The following UNC13C variants were observed in gnomAD, a reference collection of about 807,000 sequenced individuals.
UNC13C encodes the protein protein unc-13 homolog C.
A neutral mutation model predicts 245.4 loss-of-function variants in UNC13C; 174 were observed. The observed-to-expected ratio is 0.71, with a 90% confidence interval of 0.63 to 0.80. The LOEUF is 0.80. UNC13C is among the 30% of genes least tolerant of loss of function. UNC13C has a pLI of 0.00. For missense variants in UNC13C, 2,829 were observed against 2,602.9 expected, an observed-to-expected ratio of 1.09 and a Z score of -1.89; for synonymous variants, 992 against 895.1, an observed-to-expected ratio of 1.11 and a Z score of -1.93.
chr15:54,361,317 G>A (rs542059110), intron 17 of UNC13C, among the ~76,000 whole-genome samples: 1 of 152,060 alleles, frequency 6.6e-6, no homozygotes, highest in African/African-American at 2.4e-5. Context: ...TCAATTTTAA[G>A]ATTTTTACTT....
intron 26 of UNC13C, among the ~76,000 whole-genome samples, chr15:54,543,029 GGT>G (rs1378312835): frequency 4.6e-5 from 7 of 152,028 alleles, no homozygotes; most frequent in Non-Finnish European, 1.0e-4. Flanking sequence ...GTGTGAATTT[GGT>G]CCTGTCGCTA....
chr15:54,076,784 A>G (rs373166034), intron 2 of UNC13C, among the ~76,000 whole-genome samples: 1 of 152,180 alleles, frequency 6.6e-6, no homozygotes, highest in East Asian at 1.9e-4. Context: ...CTGTGGGAGT[A>G]TTCTTTGCTG....
intron 2 of UNC13C, among the ~76,000 whole-genome samples, chr15:54,052,505 A>G (rs1719500206): frequency 6.6e-6 from 1 of 152,250 alleles, no homozygotes; most frequent in Admixed American, 6.5e-5. Context: ...CATTTCTCTG[A>G]TGGCCAGACT....
At chr15:54,079,855 A>G (rs752976323) in intron 2 of UNC13C, among the ~76,000 whole-genome samples, 4 of 151,984 alleles carry the variant, frequency 2.6e-5, no homozygotes, top group Non-Finnish European at 4.4e-5. Flanking sequence ...TGCTGAATAG[A>G]AATGGTTAGA....
intron 19 of UNC13C, among the ~76,000 whole-genome samples, chr15:54,415,697 G>A (rs2040503874): frequency 6.6e-6 from 1 of 152,044 alleles, no homozygotes; most frequent in Admixed American, 6.6e-5. Context: ...AATATATATT[G>A]AGCCCATAGA....
chr15:54,624,638 ACC>A lies in UNC13C; in HGVS notation c.6359+685_6359+686del, dbSNP rs1901022851. Among the ~76,000 whole-genome samples, 3 of 152,160 alleles carry A rather than the reference ACC, an allele frequency of 2.0e-5. No homozygotes were observed. In the South Asian group the frequency reaches 6.2e-4, roughly 31 times the overall value. Reference sequence around the variant, plus strand: ...ACAGAAATAATTATACGGTGGCAAGACCAAATATGTAAAGATCAGTTAGAAGG... The same window carrying A: ...ACAGAAATAATTATACGGTGGCAAGAAAATATGTAAAGATCAGTTAGAAGG... On this transcript the variant is annotated intron_variant, in intron 32 of 32. Coordinates refer to ENST00000260323, the MANE Select transcript of UNC13C (RefSeq NM_001080534.3).
chr15:54,587,056 C>T (rs1015348869), intron 30 of UNC13C, among the ~76,000 whole-genome samples: 2 of 152,140 alleles, frequency 1.3e-5, no homozygotes, highest in South Asian at 2.1e-4. Context: ...CTGAAAACTA[C>T]CCAGATAATG....
intron 25 of UNC13C, among the ~76,000 whole-genome samples, chr15:54,525,895 C>T (rs959859673): frequency 2.6e-5 from 4 of 152,162 alleles, no homozygotes; most frequent in Admixed American, 2.6e-4. Context: ...TTTTACCTGT[C>T]TATTTCCCAC....
intron 2 of UNC13C, among the ~76,000 whole-genome samples, chr15:54,020,496 G>A (rs138241051): frequency 0.028 from 4,107 of 147,780 alleles, 195 homozygotes; most frequent in African/African-American, 0.098. Flanking sequence ...TATTATCCAG[G>A]CTGGTCTCGA....
chr15:54,545,442 A>G (rs1014863392), intron 26 of UNC13C, among the ~76,000 whole-genome samples: 1 of 152,332 alleles, frequency 6.6e-6, no homozygotes, highest in Middle Eastern at 3.4e-3. Flanking sequence ...GCCGAAACTG[A>G]CAAATGGGAT....
chr15:54,074,197 G>A (rs1031491833), intron 2 of UNC13C, among the ~76,000 whole-genome samples: 2 of 151,996 alleles, frequency 1.3e-5, no homozygotes, highest in Non-Finnish European at 2.9e-5. Flanking sequence ...TAGTTGTGTG[G>A]TATTATTTCT....
chr15:54,013,188 A>T lies in UNC13C; in HGVS notation c.285A>T (p.Arg95=). Residue 95 remains arginine (R), a synonymous_variant, in exon 2 of 33, where the codon CGA becomes CGT. Transcript: ENST00000260323. ...CCCTCTCACCAACATTCAGTTACCG[A>T]GTAGCTATTGCCAATGGCCTACAAA... ...EFSLSPTFSY[R]VAIANGLQKN... 6.2e-7 allele frequency: 1 copy of T among 1,613,850 alleles called. No individual in the cohort carries two copies. The highest frequency in any genetic ancestry group is 8.5e-7 in the Non-Finnish European group (1 of 1,179,858).
chr15:54,003,711 T>C (rs902184943), intron 1 of UNC13C, among the ~76,000 whole-genome samples: 1 of 152,130 alleles, frequency 6.6e-6, no homozygotes, highest in African/African-American at 2.4e-5. Flanking sequence ...AAATGTACAA[T>C]TAAACTCTTG....
chr15:54,525,423 A>C (rs1468850109), intron 24 of UNC13C, 126 bp from the exon 25 acceptor site: 10 of 586,390 alleles, frequency 1.7e-5, no homozygotes, highest in Admixed American at 1.5e-4. Context: ...AAAAAAAAAA[A>C]AAAAGAAGAG....
intron 4 of UNC13C, among the ~76,000 whole-genome samples, chr15:54,176,431 T>C (rs1032261917): frequency 5.3e-5 from 8 of 152,200 alleles, no homozygotes; most frequent in African/African-American, 1.2e-4. Context: ...TTTTGAGATC[T>C]GGCTTACCTT....
At chr15:54,039,902 C>T (rs527237054) in intron 2 of UNC13C, among the ~76,000 whole-genome samples, 22 of 151,868 alleles carry the variant, frequency 1.4e-4, no homozygotes, top group African/African-American at 5.3e-4. Context: ...CCTGCTTCTT[C>T]CCTTGACCCC....
chr15:54,439,048 G>A (rs1890376267), intron 19 of UNC13C, among the ~76,000 whole-genome samples: 2 of 151,752 alleles, frequency 1.3e-5, no homozygotes, highest in Admixed American at 6.6e-5. Flanking sequence ...TACTGCACTA[G>A]ATCAGGACAA....
At chr15:54,161,760 G>A (rs1214941115) in intron 4 of UNC13C, among the ~76,000 whole-genome samples, 1 of 152,030 alleles carries the variant, frequency 6.6e-6, no homozygotes, top group African/African-American at 2.4e-5. Context: ...AGAACAGCCT[G>A]ACCAACACAG....
rs564598852 is a variant in UNC13C, at chr15:54,333,773, T to C, written c.4501T>C (p.Phe1501Leu). The C allele has an allele frequency of 6.2e-7, 1 of 1,600,974 alleles. No homozygotes were observed. Among genetic ancestry groups the C allele is most frequent in the South Asian group, 1.1e-5 (1 of 88,766 alleles). ...TTGTTTCCTAATTAACCAGGAAAAC[T>C]TTCCTGCAAGCAATACTGAAAGACT... Reference protein sequence around the residue: ...RIDLSKYRENFPASNTERLQD... With the variant: ...RIDLSKYRENLPASNTERLQD... The change falls in exon 16 of 33, where the codon TTT (phenylalanine) becomes CTT (leucine). Residue 1501 changes from phenylalanine to leucine, a missense_variant. Physicochemically the swap from Phe to Leu is conservative, Grantham distance 22. Coordinates refer to ENST00000260323, the MANE Select transcript of UNC13C (RefSeq NM_001080534.3).
Sources: allele counts gnomAD v4.1 joint callset (sites outside exome capture counted in the v4.1 genomes callset), GRCh38; gene constraint gnomAD v4.1.1; transcripts MANE v1.5; gene names NCBI Gene and HGNC (gene_info 2026-07-23, HGNC 2026-07-21).